Variants in DNMBP observed in about 807,000 individuals in gnomAD.
DNMBP encodes the protein dynamin binding protein.
In DNMBP, 87 loss-of-function variants were observed where a neutral mutation model predicts 150.0. That is an observed-to-expected ratio of 0.58 (90% CI 0.49 to 0.69). DNMBP has a LOEUF of 0.69. DNMBP is among the 30% of genes least tolerant of loss of function. The pLI is 0.00. For synonymous variants in DNMBP, 711 were observed against 750.4 expected (o/e 0.95, Z 0.86); for missense variants, 1,774 against 1,949.0 (o/e 0.91, Z 1.69).
chr10:99,896,966 C>T (rs1007653415), intron 9 of DNMBP, among the ~76,000 whole-genome samples: 2 of 152,148 alleles, frequency 1.3e-5, no homozygotes, highest in African/African-American at 2.4e-5. Flanking sequence ...GAGACTACAT[C>T]GCATTAGGAG....
chr10:99,947,261 C>T (rs1253499673), intron 4 of DNMBP, among the ~76,000 whole-genome samples: 2 of 152,174 alleles, frequency 1.3e-5, no homozygotes, highest in Non-Finnish European at 2.9e-5. Context: ...CACACCTGCA[C>T]TCAGCTGACT....
intron 1 of DNMBP, among the ~76,000 whole-genome samples, chr10:99,999,092 C>A (rs2040983765): frequency 1.3e-5 from 2 of 152,194 alleles, no homozygotes; most frequent in African/African-American, 4.8e-5. Flanking sequence ...CAGCTCCAGA[C>A]AGAATCCTCC....
intron 4 of DNMBP, chr10:99,930,447 A>G (rs1280982497): frequency 2.8e-6 from 2 of 702,992 alleles, no homozygotes; most frequent in East Asian, 5.4e-5. Context: ...CTCATAATCT[A>G]CATTTTCTGG....
At chr10:99,929,646 C>T (rs2040123670) in intron 4 of DNMBP, 1 of 699,554 alleles carries the variant, frequency 1.4e-6, no homozygotes, top group Admixed American at 2.0e-5. Flanking sequence ...CTCTGAGCGC[C>T]TCAGGGTGCT....
intron 1 of DNMBP, among the ~76,000 whole-genome samples, chr10:99,998,918 C>G (rs935947307): frequency 6.6e-6 from 1 of 152,124 alleles, no homozygotes; most frequent in African/African-American, 2.4e-5. Context: ...ATGTATTATT[C>G]TTTATTCATT....
chr10:100,006,241 T>C (rs944825824), intron 1 of DNMBP, among the ~76,000 whole-genome samples: 5 of 152,232 alleles, frequency 3.3e-5, no homozygotes, highest in African/African-American at 1.2e-4. Flanking sequence ...GATTACCTCT[T>C]GATTTGGGAT....
intron 1 of DNMBP, among the ~76,000 whole-genome samples, chr10:99,998,654 AAT>A (rs1474394519): frequency 2.0e-5 from 3 of 152,184 alleles, no homozygotes; most frequent in African/African-American, 7.2e-5. Context: ...GATTCAAACA[AAT>A]CAATTGTTTA....
At chr10:99,908,182 A>G in intron 5 of DNMBP, 88 bp from the exon 6 acceptor site, 1 of 968,372 alleles carries the variant, frequency 1.0e-6, no homozygotes, top group South Asian at 1.4e-5. Context: ...CAAGAATTGT[A>G]GAAAAATTGC....
chr10:99,884,378 A>G (rs954223156), intron 14 of DNMBP, among the ~76,000 whole-genome samples, 169 bp from the exon 15 acceptor site: 1 of 152,220 alleles, frequency 6.6e-6, no homozygotes, highest in South Asian at 2.1e-4. Context: ...GGCTAGGTAA[A>G]AATCAAGAGC....
rs1157013138 is a variant in DNMBP, at chr10:99,884,098, C to T, written c.3910G>A (p.Val1304Ile). The T allele has an allele frequency of 6.2e-6, 10 of 1,613,986 alleles. No individual in the cohort carries two copies. Among genetic ancestry groups the T allele is most frequent in the African/African-American group, 1.3e-5 (1 of 74,884 alleles). Residue 1304 changes from valine to isoleucine, a missense_variant, in exon 15 of 17, where the codon GTC becomes ATC. Physicochemically the swap from Val to Ile is conservative, Grantham distance 29. Transcript: ENST00000324109. The stretch of plus-strand genomic sequence containing the variant: ...ACCAGGTCACCTTCCAAAAGTGAGA[C>T]ATCCAAGTCTTGAGCAGCATTGAAG... ...RNFNAAQDLD[V>I]SLLEGDLVGV...
At chr10:100,007,738 C>G (rs997724521) in intron 1 of DNMBP, among the ~76,000 whole-genome samples, 6 of 152,222 alleles carry the variant, frequency 3.9e-5, no homozygotes, top group Non-Finnish European at 8.8e-5. Flanking sequence ...TTTAACGGCT[C>G]TTTCATTAAA....
chr10:99,926,334 C>T (rs1419006192), intron 4 of DNMBP, among the ~76,000 whole-genome samples: 2 of 152,226 alleles, frequency 1.3e-5, no homozygotes, highest in East Asian at 3.9e-4. Flanking sequence ...ACCCAGGCTG[C>T]AGTATAGTGG....
chr10:99,886,747 G>A, intron 12 of DNMBP, 115 bp from the exon 13 acceptor site: 2 of 902,114 alleles, frequency 2.2e-6, no homozygotes, highest in Non-Finnish European at 3.4e-6. Flanking sequence ...TTCGTTTCTA[G>A]TACACAAGCT....
intron 1 of DNMBP, among the ~76,000 whole-genome samples, chr10:99,986,806 A>G (rs1010990847): frequency 6.6e-6 from 1 of 152,120 alleles, no homozygotes; most frequent in African/African-American, 2.4e-5. Context: ...ATGACTCTTG[A>G]GGTATGTTAG....
In DNMBP at chr10:99,957,059, G is replaced by A; in HGVS notation, c.415C>T (p.Leu139=). 1.2e-6 allele frequency: 2 copies of A among 1,614,168 alleles called. No homozygotes were observed. Among genetic ancestry groups the A allele is most frequent in the Non-Finnish European group, 1.7e-6 (2 of 1,180,036 alleles). ...ATGGAATATTCCGGAATCTGAAACA[G>A]GGCGCTCTGGGAGTGCCACTGCCGG... ...QSRQWHSQSA[L]FQIPEYSMGQ... Residue 139 remains leucine (L), a synonymous_variant, in exon 4 of 17, where the codon CTG becomes TTG. Transcript: ENST00000324109.
intron 1 of DNMBP, among the ~76,000 whole-genome samples, chr10:100,007,050 G>A (rs534517482): frequency 6.6e-6 from 1 of 152,152 alleles, no homozygotes; most frequent in South Asian, 2.1e-4. Context: ...AGGAGGTTGA[G>A]GCTACAGTGA....
intron 13 of DNMBP, 116 bp downstream of exon 13, chr10:99,886,184 G>A (rs1342701855): frequency 1.1e-5 from 9 of 854,228 alleles, no homozygotes; most frequent in South Asian, 8.9e-5. Flanking sequence ...ATGAACTAGC[G>A]ACACATTCAG....
At position 99,956,998 on chromosome 10, in the gene DNMBP, T is replaced by C. The variant is rs751226937; in HGVS notation, c.476A>G (p.Gln159Arg). Residue 159 changes from glutamine to arginine, a missense_variant, in exon 4 of 17, where the codon CAG becomes CGG. By Grantham distance (43) the Gln-to-Arg change is conservative. Transcript: ENST00000324109. ...CCTGAAGTCCAGCTCTTCATCCAGC[T>C]GAGCAGAAAGCCCCATTAGGGCCCG... ...QARALMGLSA[Q>R]LDEELDFREG... 1 of 1,614,198 alleles carries C rather than the reference T, an allele frequency of 6.2e-7. No homozygotes were observed. Among genetic ancestry groups the C allele is most frequent in the Non-Finnish European group, 8.5e-7 (1 of 1,180,032 alleles).
chr10:99,894,884 A>T, intron 11 of DNMBP, 62 bp downstream of exon 11: 1 of 1,278,324 alleles, frequency 7.8e-7, no homozygotes, highest in East Asian at 2.3e-5. Flanking sequence ...ATGACTGATG[A>T]ACAGGAAAGG....
Sources: allele counts gnomAD v4.1 joint callset (sites outside exome capture counted in the v4.1 genomes callset), GRCh38; gene constraint gnomAD v4.1.1; transcripts MANE v1.5; gene names NCBI Gene and HGNC (gene_info 2026-07-23, HGNC 2026-07-21).